The following KCNIP4 variants were observed in gnomAD, a reference collection of about 807,000 sequenced individuals.
KCNIP4 encodes potassium voltage-gated channel interacting protein 4.
Under a neutral mutation model 34.0 loss-of-function variants are expected in KCNIP4, and 12 were observed. The ratio of observed to expected loss-of-function variants is 0.35; its 90% CI spans 0.23 to 0.57. KCNIP4 has a LOEUF of 0.57. Among genes scored for constraint, KCNIP4 ranks in the 20% least tolerant of loss-of-function variants. The probability of loss-of-function intolerance (pLI) is 0.83; values close to 1 mark genes in which losing one functional copy is unlikely to be tolerated. For synonymous variants in KCNIP4, 124 were observed against 102.2 expected, an observed-to-expected ratio of 1.21 and a Z score of -1.29; for missense variants, 238 against 311.7, an observed-to-expected ratio of 0.76 and a Z score of 1.78.
chr4:21,310,796 A>G (rs1713071879), intron 1 of KCNIP4, among the ~76,000 whole-genome samples: 1 of 151,780 alleles, frequency 6.6e-6, no homozygotes, highest in South Asian at 2.1e-4. Flanking sequence ...ACGTCGGCTA[A>G]TTTTTTGTAT....
chr4:20,756,400 C>A (rs1754450326), intron 4 of KCNIP4, among the ~76,000 whole-genome samples: 1 of 152,108 alleles, frequency 6.6e-6, no homozygotes, highest in Non-Finnish European at 1.5e-5. Context: ...CTATTTATCT[C>A]TTTTCTTTTC....
At chr4:21,813,708 A>T (rs1721799142) in intron 1 of KCNIP4, among the ~76,000 whole-genome samples, 1 of 152,200 alleles carries the variant, frequency 6.6e-6, no homozygotes, top group Non-Finnish European at 1.5e-5. Flanking sequence ...TACATTTCAA[A>T]AATGTCAAAA....
intron 1 of KCNIP4, among the ~76,000 whole-genome samples, chr4:21,081,585 T>C (rs1056407853): frequency 1.3e-5 from 2 of 151,840 alleles, no homozygotes; most frequent in Admixed American, 6.6e-5. Context: ...TTCTAAACTA[T>C]GCAATCATTT....
At chr4:21,825,221 G>T (rs1722601200) in intron 1 of KCNIP4, among the ~76,000 whole-genome samples, 1 of 151,576 alleles carries the variant, frequency 6.6e-6, no homozygotes, top group Admixed American at 6.6e-5. Flanking sequence ...TGTGACCAAT[G>T]CAGGAAGAAA....
chr4:21,225,661 A>T (rs1758324237), intron 1 of KCNIP4, among the ~76,000 whole-genome samples: 1 of 152,186 alleles, frequency 6.6e-6, no homozygotes, highest in African/African-American at 2.4e-5. Flanking sequence ...CAGTAACATG[A>T]GCAATAATCA....
At chr4:20,962,453 C>T (rs891876131) in intron 1 of KCNIP4, among the ~76,000 whole-genome samples, 23 of 152,102 alleles carry the variant, frequency 1.5e-4, no homozygotes, top group Non-Finnish European at 3.1e-4. Context: ...CTGTTTTAGT[C>T]CTTATTTGTA....
intron 1 of KCNIP4, among the ~76,000 whole-genome samples, chr4:21,017,121 C>T (rs115203117): frequency 0.025 from 3,742 of 152,256 alleles, 145 homozygotes; most frequent in African/African-American, 0.084. Context: ...TACCCATGGA[C>T]TAGCTGTTCA....
chr4:21,024,360 C>A (rs1330665259), intron 1 of KCNIP4, among the ~76,000 whole-genome samples: 1 of 152,172 alleles, frequency 6.6e-6, no homozygotes, highest in African/African-American at 2.4e-5. Flanking sequence ...ACATGGGAGT[C>A]AGGCATGACT....
intron 1 of KCNIP4, among the ~76,000 whole-genome samples, chr4:21,696,611 C>T (rs1040918690): frequency 2.0e-5 from 3 of 152,064 alleles, no homozygotes; most frequent in Admixed American, 1.3e-4. Context: ...TTTAGTCCCA[C>T]CTGTCACTAA....
chr4:21,471,704 T>C (rs920415190), intron 1 of KCNIP4, among the ~76,000 whole-genome samples: 1 of 152,150 alleles, frequency 6.6e-6, no homozygotes, highest in African/African-American at 2.4e-5. Context: ...GTGGAACAGA[T>C]ATTCCCATTT....
intron 1 of KCNIP4, among the ~76,000 whole-genome samples, chr4:21,880,733 T>G (rs1009727671): frequency 2.0e-5 from 3 of 152,224 alleles, no homozygotes; most frequent in Non-Finnish European, 4.4e-5. Context: ...TTCTGGTGGA[T>G]AGCCATCTAG....
chr4:21,829,937 A>T (rs926142420), intron 1 of KCNIP4, among the ~76,000 whole-genome samples: 2 of 152,186 alleles, frequency 1.3e-5, no homozygotes, highest in African/African-American at 4.8e-5. Context: ...AAGGAACAAA[A>T]GATCTATAAA....
intron 1 of KCNIP4, among the ~76,000 whole-genome samples, chr4:21,481,288 C>T (rs1445536459): frequency 6.6e-6 from 1 of 152,154 alleles, no homozygotes; most frequent in Admixed American, 6.6e-5. Context: ...TTGAGCAGTG[C>T]TTTGACAGGT....
chr4:21,515,595 T>C (rs918851181), intron 1 of KCNIP4, among the ~76,000 whole-genome samples: 1 of 151,986 alleles, frequency 6.6e-6, no homozygotes, highest in Non-Finnish European at 1.5e-5. Context: ...GCCGAGATTG[T>C]GTCACTGCAC....
intron 1 of KCNIP4, among the ~76,000 whole-genome samples, chr4:21,519,785 A>ATGTGTGTATACACACGTGTGTGTATG (rs1735346632): frequency 2.6e-4 from 33 of 128,578 alleles, no homozygotes; most frequent in African/African-American, 8.9e-4. Context: ...ACGTGTGTGT[A>ATGTGTGTATACACACGTGTGTGTATG]TGTGTGTGTA....
chr4:20,773,048 A>AAG (rs1370999989), intron 3 of KCNIP4, among the ~76,000 whole-genome samples: 3 of 17,504 alleles, frequency 1.7e-4, no homozygotes, highest in Admixed American at 1.0e-3. Flanking sequence ...GAAGTTAAAG[A>AAG]AAAAAAAAAA....
At chr4:21,021,857 AT>A (rs1740080794) in intron 1 of KCNIP4, among the ~76,000 whole-genome samples, 1 of 140,398 alleles carries the variant, frequency 7.1e-6, no homozygotes, top group African/African-American at 2.7e-5. Context: ...AAAGTATAGT[AT>A]CGTATAGTAT....
chr4:21,469,203 T>C (rs1366119254), intron 1 of KCNIP4, among the ~76,000 whole-genome samples: 2 of 152,102 alleles, frequency 1.3e-5, no homozygotes, highest in Non-Finnish European at 1.5e-5. Context: ...TAGCTGGGAC[T>C]ACAAGCACGT....
intron 1 of KCNIP4, among the ~76,000 whole-genome samples, chr4:21,866,623 C>T (rs1246393024): frequency 4.6e-5 from 7 of 152,114 alleles, no homozygotes; most frequent in African/African-American, 7.2e-5. Context: ...GTATGCTGTC[C>T]TTATCCATGC....
Sources: allele counts gnomAD v4.1 joint callset (sites outside exome capture counted in the v4.1 genomes callset), GRCh38; gene constraint gnomAD v4.1.1; transcripts MANE v1.5; gene names NCBI Gene and HGNC (gene_info 2026-07-23, HGNC 2026-07-21).